The following DOCK1 variants were observed in gnomAD, a reference collection of about 807,000 sequenced individuals.
DOCK1 encodes dedicator of cytokinesis protein 1.
Under a neutral mutation model 262.7 loss-of-function variants are expected in DOCK1, and 138 were observed. That is an observed-to-expected ratio of 0.53 (90% CI 0.46 to 0.61). DOCK1 has a LOEUF of 0.61. Ranked by LOEUF, DOCK1 falls within the 20% of genes least tolerant of loss-of-function variation. The pLI is 0.00. For synonymous variants in DOCK1, 866 were observed against 867.4 expected, an observed-to-expected ratio of 1.00 and a Z score of 0.03; for missense variants, 1,908 against 2,370.7, an observed-to-expected ratio of 0.80 and a Z score of 4.05.
chr10:127,054,356 C>G (rs182890052), intron 22 of DOCK1, among the ~76,000 whole-genome samples: 19 of 152,286 alleles, frequency 1.2e-4, no homozygotes, highest in African/African-American at 4.6e-4. Context: ...ATGGTCAAAA[C>G]CACAGTCCTC....
At chr10:126,963,638 C>T (rs1173043946) in intron 1 of DOCK1, among the ~76,000 whole-genome samples, 2 of 92,942 alleles carry the variant, frequency 2.2e-5, no homozygotes, top group Non-Finnish European at 4.0e-5. Context: ...CCCTTCCCTT[C>T]CCTCCTTCCT....
chr10:127,079,208 G>A (rs1448646901), intron 23 of DOCK1, among the ~76,000 whole-genome samples: 3 of 152,118 alleles, frequency 2.0e-5, no homozygotes, highest in East Asian at 1.9e-4. Context: ...GTGGTGTTGG[G>A]TATATTTCTT....
chr10:127,021,570 G>A (rs1451845318), intron 13 of DOCK1, among the ~76,000 whole-genome samples: 4 of 152,160 alleles, frequency 2.6e-5, no homozygotes, highest in African/African-American at 9.7e-5. Flanking sequence ...TAGTGGTGCT[G>A]GCCTTGGAGG....
chr10:126,906,697 C>T (rs564738130), intron 1 of DOCK1, among the ~76,000 whole-genome samples: 30 of 152,360 alleles, frequency 2.0e-4, no homozygotes, highest in African/African-American at 7.0e-4. Context: ...CGACCCTCTG[C>T]TGGTGTGGTT....
chr10:126,936,474 A>G (rs1415716856), intron 1 of DOCK1, among the ~76,000 whole-genome samples: 1 of 152,224 alleles, frequency 6.6e-6, no homozygotes, highest in Non-Finnish European at 1.5e-5. Flanking sequence ...TATATACTCT[A>G]TAGTTTTTGC....
chr10:127,044,565 T>A (rs1178631627), intron 21 of DOCK1, among the ~76,000 whole-genome samples: 1 of 152,070 alleles, frequency 6.6e-6, no homozygotes, highest in African/African-American at 2.4e-5. Flanking sequence ...CTTGTGGGGT[T>A]TGCGGAAGTG....
At chr10:126,957,591 T>C (rs1285235748) in intron 1 of DOCK1, among the ~76,000 whole-genome samples, 1 of 152,120 alleles carries the variant, frequency 6.6e-6, no homozygotes, top group African/African-American at 2.4e-5. Flanking sequence ...GCTCAAGTGA[T>C]CCTGCCTCAG....
At chr10:127,254,791 T>C (rs1468790558) in intron 28 of DOCK1, among the ~76,000 whole-genome samples, 1 of 152,208 alleles carries the variant, frequency 6.6e-6, no homozygotes, top group East Asian at 1.9e-4. Context: ...GCTTTGTCTT[T>C]AGTCTAAGAG....
At chr10:127,325,437 G>T (rs557500054) in intron 29 of DOCK1, among the ~76,000 whole-genome samples, 15 of 152,324 alleles carry the variant, frequency 9.8e-5, no homozygotes, top group Admixed American at 7.2e-4. Flanking sequence ...CCACCTAGGA[G>T]GCTGATGTGC....
chr10:127,144,474 C>G (rs192537248), intron 27 of DOCK1, among the ~76,000 whole-genome samples: 148 of 152,320 alleles, frequency 9.7e-4, no homozygotes, highest in African/African-American at 3.2e-3. Context: ...GTGCATTTAG[C>G]ACAGTGCTGG....
At chr10:127,341,867 T>C (rs1344091704) in intron 30 of DOCK1, among the ~76,000 whole-genome samples, 1 of 152,194 alleles carries the variant, frequency 6.6e-6, no homozygotes, top group Non-Finnish European at 1.5e-5. Context: ...GTCGGCTGCA[T>C]TCTGAGAGTC....
At chr10:126,913,284 C>G (rs974393507) in intron 1 of DOCK1, among the ~76,000 whole-genome samples, 1 of 148,224 alleles carries the variant, frequency 6.7e-6, no homozygotes, top group African/African-American at 2.5e-5. Flanking sequence ...GGACTTAATT[C>G]CAGTTTCTTA....
chr10:127,335,958 C>T (rs886261580), intron 29 of DOCK1, among the ~76,000 whole-genome samples: 11 of 151,978 alleles, frequency 7.2e-5, no homozygotes, highest in South Asian at 2.1e-4. Context: ...CCTTGTGATC[C>T]GCCTGCCTTG....
At chr10:126,963,330 C>G (rs1466631356) in intron 1 of DOCK1, among the ~76,000 whole-genome samples, 3 of 152,106 alleles carry the variant, frequency 2.0e-5, no homozygotes, top group African/African-American at 7.2e-5. Context: ...ACTCCATGAA[C>G]ACAAATATTT....
chr10:126,916,479 A>C (rs2076639177), intron 1 of DOCK1, among the ~76,000 whole-genome samples: 1 of 152,214 alleles, frequency 6.6e-6, no homozygotes, highest in Admixed American at 6.5e-5. Context: ...CATCTTGCAT[A>C]AGCAGCTAGC....
chr10:127,163,988 T>C (rs2053831309), intron 27 of DOCK1, among the ~76,000 whole-genome samples: 1 of 151,782 alleles, frequency 6.6e-6, no homozygotes. Context: ...GTTTTAATGC[T>C]TGTTTTCATT....
intron 1 of DOCK1, among the ~76,000 whole-genome samples, chr10:126,907,132 AGAG>A (rs2031016984): frequency 3.6e-4 from 1 of 2,770 alleles, no homozygotes; most frequent in Admixed American, 0.011. Context: ...ATCAGAGGCG[AGAG>A]GTTCGGGGTG....
At chr10:127,268,013 G>A (rs906623204) in intron 29 of DOCK1, among the ~76,000 whole-genome samples, 3 of 152,190 alleles carry the variant, frequency 2.0e-5, no homozygotes, top group East Asian at 3.9e-4. Context: ...GAGGAAAATC[G>A]ACAATGTCCA....
At position 127,408,060 on chromosome 10, in the gene DOCK1, C is replaced by T. The variant is rs72842995; in HGVS notation, c.4123-977C>T. Among the ~76,000 whole-genome samples, 1,330 of 152,188 alleles carry T rather than the reference C, an allele frequency of 8.7e-3. 6 individuals carry two copies. Among genetic ancestry groups the T allele is most frequent in the Admixed American group, 0.015 (234 of 15,298 alleles). ...ACACGTGTTGAAATCGGGAAAAAAA[C>T]GGAGACCTGTTGTATCTTGCAAGGA... is the stretch of plus-strand genomic sequence containing the variant. On this transcript the variant is annotated intron_variant, in intron 40 of 51. Coordinates refer to ENST00000623213, the MANE Select transcript of DOCK1 (RefSeq NM_001290223.2).
Sources: allele counts gnomAD v4.1 joint callset (sites outside exome capture counted in the v4.1 genomes callset), GRCh38; gene constraint gnomAD v4.1.1; transcripts MANE v1.5; gene names NCBI Gene and HGNC (gene_info 2026-07-23, HGNC 2026-07-21).